GYG2: variants seen among roughly 807,000 people sequenced by gnomAD.
GYG2 encodes glycogenin-2.
Under a neutral mutation model 29.4 loss-of-function variants are expected in GYG2, and 29 were observed. The observed-to-expected ratio is 0.99, with a 90% CI of 0.74 to 1.35. The LOEUF is 1.35. Among genes scored for constraint, GYG2 ranks in the 40% most tolerant of loss-of-function variants. The pLI, the probability that GYG2 is intolerant of heterozygous loss-of-function variation, is 0.00. For missense variants in GYG2, 370 were observed against 385.7 expected, an observed-to-expected ratio of 0.96 and a Z score of 0.34; for synonymous variants, 167 against 172.3, an observed-to-expected ratio of 0.97 and a Z score of 0.24.
chrX:2,850,650 C>T (rs2087847557), intron 3 of GYG2, among the ~76,000 whole-genome samples: 1 of 111,233 alleles, frequency 9.0e-6, no homozygotes, highest in African/African-American at 3.3e-5. Flanking sequence ...ATGGCCTGTT[C>T]CTGCCTTAAC....
chrX:2,857,525 T>G (rs192155978), intron 6 of GYG2, among the ~76,000 whole-genome samples: 64 of 110,982 alleles, frequency 5.8e-4, no homozygotes, highest in Admixed American at 4.3e-3. Context: ...GATCTATATA[T>G]CTCTCTATGT....
At chrX:2,830,793 C>T (rs190605012) in intron 2 of GYG2, among the ~76,000 whole-genome samples, 30 of 112,079 alleles carry the variant, frequency 2.7e-4, no homozygotes, top group Admixed American at 8.4e-4. Flanking sequence ...CATTGCGGCA[C>T]CTGCCTGTAG....
At position 2,882,554 on chromosome X, in the gene GYG2, G is replaced by A. The variant is rs921273523; in HGVS notation, c.*1341G>A. 6.4e-5 allele frequency: 7 copies of A among 109,750 alleles called. No individual in the cohort carries two copies. Among genetic ancestry groups the A allele is most frequent in the African/African-American group, 2.3e-4 (7 of 30,023 alleles). The allele number at this position is 109,750 out of a possible 1,213,427, so 9.0% of individuals were successfully genotyped here. A position where few individuals can be genotyped will look rare whatever the true frequency, so the allele number is the denominator to read the frequency against. ...GGGCTGTTTCTTTTTCCGTGTGGGT[G>A]GTTAATAATCGTCAGTCTCGGAGGG... On this transcript the variant is annotated 3_prime_UTR_variant, in exon 11 of 11. Coordinates refer to ENST00000398806, the MANE Select transcript of GYG2 (RefSeq NM_001079855.2).
At position 2,881,231 on chromosome X, in the gene GYG2, GTT is replaced by G; in HGVS notation, c.*19_*20del. 8.7e-7 allele frequency: 1 copy of G among 1,145,229 alleles called. No homozygotes were observed. The highest frequency in any genetic ancestry group is 1.2e-6 in the Non-Finnish European group (1 of 856,701). The allele number at this position is 1,145,229 out of a possible 1,213,427, so 94.4% of individuals were successfully genotyped here. ...TGCAGTAATCCGGCAGCTGGTGGGC[GTT>G]GTGTGTAGTTAGACAATGTCCTGTT... On this transcript the variant is annotated 3_prime_UTR_variant, in exon 11 of 11. Coordinates refer to ENST00000398806, the MANE Select transcript of GYG2 (RefSeq NM_001079855.2).
intron 2 of GYG2, among the ~76,000 whole-genome samples, chrX:2,839,358 C>G (rs5982878): frequency 9.1e-6 from 1 of 109,773 alleles, no homozygotes; most frequent in African/African-American, 3.3e-5. Context: ...ACTTTTTAGT[C>G]TGTTCTCCTT....
Position 2,858,790 on chromosome X carries a change from GA to G in GYG2, c.615-1045del, listed in dbSNP as rs757665322. On this transcript the variant is annotated intron_variant, in intron 6 of 10. Transcript: ENST00000398806. The stretch of plus-strand genomic sequence containing the variant: ...CATATTTCATGAGGAGGTGATCCAC[GA>G]AAAAAAAGTTTAAAAAGGCTCCTGG... Among the ~76,000 whole-genome samples, 5 of 110,963 alleles carry G rather than the reference GA, an allele frequency of 4.5e-5. No individual in the cohort carries two copies. In the South Asian group the frequency reaches 1.1e-3, roughly 25 times the overall value.
At position 2,832,647 on chromosome X, in the gene GYG2, G is replaced by A. The variant is rs189483597; in HGVS notation, c.7+2452G>A. 1.1e-4 allele frequency among the ~76,000 whole-genome samples: 12 copies of A among 111,704 alleles called. No individual in the cohort carries two copies. In the East Asian group the frequency reaches 3.1e-3, roughly 29 times the overall value. ...CCTCTTGGGTTCAAGCGATTCTCCT[G>A]CCTCAGCCTCCTGAGTAGCTGGGAT... is the stretch of plus-strand genomic sequence containing the variant. On this transcript the variant is annotated intron_variant, in intron 2 of 10. Transcript: ENST00000398806.
At chrX:2,871,634 G>A (rs753583244) in intron 8 of GYG2, among the ~76,000 whole-genome samples, 37 of 111,096 alleles carry the variant, frequency 3.3e-4, no homozygotes, top group Admixed American at 5.8e-4. Flanking sequence ...ATGTTGCAGT[G>A]AGCCGAGATG....
chrX:2,880,933 C>T (rs1193784679), intron 10 of GYG2, 119 bp from the exon 11 acceptor site: 1 of 602,234 alleles, frequency 1.7e-6, no homozygotes, highest in Non-Finnish European at 2.6e-6. Context: ...GATTCGCAAT[C>T]TCTTTTTGAG....
At chrX:2,872,135 C>T (rs1213531696) in intron 8 of GYG2, among the ~76,000 whole-genome samples, 3 of 112,009 alleles carry the variant, frequency 2.7e-5, no homozygotes, top group African/African-American at 9.7e-5. Flanking sequence ...TCTTCTCTGG[C>T]CTGCCTCCAG....
chrX:2,881,247 C>A lies in GYG2; in HGVS notation c.*34C>A, dbSNP rs767936495. ...CTGGTGGGCGTTGTGTGTAGTTAGA[C>A]AATGTCCTGTTGGGTGGTCCTGTTG... On this transcript the variant is annotated 3_prime_UTR_variant, in exon 11 of 11. Transcript: ENST00000398806. 4.5e-6 allele frequency: 5 copies of A among 1,113,995 alleles called. No individual in the cohort carries two copies. The highest frequency in any genetic ancestry group is 4.8e-6 in the Non-Finnish European group (4 of 833,950). The allele number at this position is 1,113,995 out of a possible 1,213,427, so 91.8% of individuals were successfully genotyped here.
At chrX:2,865,357 T>C (rs1304116481) in intron 8 of GYG2, among the ~76,000 whole-genome samples, 2 of 111,513 alleles carry the variant, frequency 1.8e-5, no homozygotes, top group African/African-American at 6.5e-5. Flanking sequence ...GCACTCTGGT[T>C]TCTCTAAAAC....
chrX:2,847,792 A>T (rs2087775858), intron 3 of GYG2, among the ~76,000 whole-genome samples: 2 of 111,845 alleles, frequency 1.8e-5, no homozygotes. Context: ...CATTTAAAAC[A>T]TAGAGAAATC....
intron 2 of GYG2, among the ~76,000 whole-genome samples, chrX:2,840,446 C>T (rs5982591): frequency 0.023 from 2,534 of 111,786 alleles, 68 homozygotes; most frequent in African/African-American, 0.079. Context: ...ATGACAGCTA[C>T]GCCTGTTCTT....
intron 8 of GYG2, among the ~76,000 whole-genome samples, chrX:2,868,452 G>C (rs189700722): frequency 2.5e-5 from 2 of 80,439 alleles, no homozygotes; most frequent in African/African-American, 5.4e-5. Flanking sequence ...GTGAGACTCC[G>C]TCTCAAAAAA....
chrX:2,862,188 A>C (rs182265596), intron 8 of GYG2, among the ~76,000 whole-genome samples: 4 of 110,966 alleles, frequency 3.6e-5, no homozygotes, highest in Non-Finnish European at 5.7e-5. Flanking sequence ...GGAGGCCACG[A>C]GCGAGGGAAT....
At chrX:2,829,208 T>C (rs2087199351) in intron 1 of GYG2, 1 of 71,975 alleles carries the variant, frequency 1.4e-5, no homozygotes, top group African/African-American at 5.7e-5. Flanking sequence ...GGTCAGAGGT[T>C]GCCCAAGCGC....
At chrX:2,832,289 GCT>G (rs2087281780) in intron 2 of GYG2, among the ~76,000 whole-genome samples, 1 of 112,255 alleles carries the variant, frequency 8.9e-6, no homozygotes, top group African/African-American at 3.2e-5. Flanking sequence ...GCTGGAGAGA[GCT>G]CGTGTGCCAA....
At chrX:2,839,454 C>T (rs754569247) in intron 2 of GYG2, among the ~76,000 whole-genome samples, 12 of 110,918 alleles carry the variant, frequency 1.1e-4, no homozygotes, top group Middle Eastern at 4.6e-3. Flanking sequence ...CTTTTAATTA[C>T]GTGATTGAAT....
Sources: gnomAD v4.1 joint callset for allele counts (sites outside exome capture counted in the v4.1 genomes callset) on GRCh38, gnomAD v4.1.1 for gene constraint, MANE v1.5 for transcripts, NCBI Gene and HGNC (gene_info 2026-07-23, HGNC 2026-07-21) for gene names.